The following PTPN5 variants were observed in gnomAD, a reference collection of about 807,000 sequenced individuals.
PTPN5 encodes the protein protein tyrosine phosphatase non-receptor type 5.
Under a neutral mutation model 73.9 loss-of-function variants are expected in PTPN5, and 29 were observed. The observed-to-expected ratio is 0.39, with a 90% CI of 0.29 to 0.54. PTPN5 has a LOEUF of 0.54. Among genes scored for constraint, PTPN5 ranks in the 20% least tolerant of loss-of-function variants. The probability of loss-of-function intolerance (pLI) is 0.65; values close to 1 mark genes in which losing one functional copy is unlikely to be tolerated. For synonymous variants in PTPN5, 267 were observed against 304.7 expected, an observed-to-expected ratio of 0.88 and a Z score of 1.29; for missense variants, 652 against 751.4, an observed-to-expected ratio of 0.87 and a Z score of 1.55.
In PTPN5 at chr11:18,778,679, A is replaced by C. The variant is rs575689308; in HGVS notation, c.-113-6608T>G. On this transcript the variant is annotated intron_variant, in intron 1 of 14. Coordinates refer to ENST00000358540, the MANE Select transcript of PTPN5 (RefSeq NM_006906.2). ...CTTCTATCTGATTGTCAGCTTCCTG[A>C]GGCCTTCCTAGAAGCCAAGCAGACA... is the stretch of plus-strand genomic sequence containing the variant. 2.0e-5 allele frequency among the ~76,000 whole-genome samples: 3 copies of C among 152,272 alleles called. No homozygotes were observed. In the East Asian group the frequency reaches 5.8e-4, roughly 29 times the overall value.
At chr11:18,757,018 A>G (rs966060520) in intron 3 of PTPN5, among the ~76,000 whole-genome samples, 6 of 152,016 alleles carry the variant, frequency 3.9e-5, no homozygotes, top group Non-Finnish European at 7.4e-5. Flanking sequence ...TCATTTTCAT[A>G]TGTGTGTGTG....
In PTPN5 at chr11:18,742,320, T is replaced by G. The variant is rs912093037; in HGVS notation, c.667A>C (p.Ile223Leu). The change falls in exon 7 of 15, where the codon ATC becomes CTC. Residue 223 changes from isoleucine to leucine, a missense_variant. This residue lies in a region of PTPN5 where 529 missense variants were observed against 573.9 expected (regional missense o/e 0.92). Transcript: ENST00000358540. The surrounding 1 kb of genome is among the most constrained non-coding windows in gnomAD (Gnocchi z 4.1). ...ETPVFDCVMD[I>L]KPEADPTSLT... is the part of the protein sequence containing the mutation. ...GAGGTGGGGTCAGCCTCAGGCTTGA[T>G]GTCCATCACACAATCAAACACAGGA... 6.2e-7 allele frequency: 1 copy of G among 1,614,122 alleles called. No homozygotes were observed. Among genetic ancestry groups the G allele is most frequent in the Admixed American group, 1.7e-5 (1 of 60,020 alleles).
chr11:18,789,042 G>C (rs1851795254), intron 1 of PTPN5, among the ~76,000 whole-genome samples: 1 of 152,178 alleles, frequency 6.6e-6, no homozygotes, highest in African/African-American at 2.4e-5. Flanking sequence ...GGCTGAGCCT[G>C]AAGTCCAGGA....
At chr11:18,761,804 T>C (rs1030825244) in intron 3 of PTPN5, among the ~76,000 whole-genome samples, 1 of 152,002 alleles carries the variant, frequency 6.6e-6, no homozygotes, top group East Asian at 1.9e-4. Flanking sequence ...CCAGGAAGCA[T>C]GCAGAGTGGA....
intron 8 of PTPN5, among the ~76,000 whole-genome samples, chr11:18,739,808 G>A (rs1041922043): frequency 6.6e-6 from 1 of 152,202 alleles, no homozygotes; most frequent in Non-Finnish European, 1.5e-5. Flanking sequence ...TGGAGCTTTG[G>A]AGCCTCAGCC....
At chr11:18,762,646 A>G (rs11024788) in intron 3 of PTPN5, among the ~76,000 whole-genome samples, 57,951 of 151,862 alleles carry the variant, frequency 0.38, 12,729 homozygotes, top group Admixed American at 0.55. Flanking sequence ...TGACTTACTT[A>G]TTTTATTTGT....
rs1406979366 is a variant in PTPN5, at chr11:18,733,971, C to A, written c.1001-336G>T. ...GGAATTACCTAGGGAAATTCCTGTA[C>A]AGATCTTGTTCAGCAAGAGACAGCT... is the stretch of plus-strand genomic sequence containing the variant. On this transcript the variant is annotated intron_variant, in intron 9 of 14. Transcript: ENST00000358540. The surrounding 1 kb of genome is among the most constrained non-coding windows in gnomAD (Gnocchi z 4.3). Among the ~76,000 whole-genome samples, 1 of 152,214 alleles carries A rather than the reference C, an allele frequency of 6.6e-6. No homozygotes were observed. The highest frequency in any genetic ancestry group is 2.4e-5 in the African/African-American group (1 of 41,458).
In PTPN5 at chr11:18,737,983, G is replaced by C. The variant is rs746798905; in HGVS notation, c.916-19C>G. The C allele has an allele frequency of 1.9e-6, 3 of 1,606,500 alleles. No individual in the cohort carries two copies. Among genetic ancestry groups the C allele is most frequent in the South Asian group, 1.1e-5 (1 of 90,918 alleles). On this transcript the variant is annotated intron_variant, in intron 8 of 14. Transcript: ENST00000358540. ...GGATTTCCTGTGGAAGGAGGACACG[G>C]GGTGTGAGCAGCTATGGGCCCTCAC...
intron 3 of PTPN5, among the ~76,000 whole-genome samples, chr11:18,753,051 C>G (rs2134257372): frequency 6.6e-6 from 1 of 152,340 alleles, no homozygotes; most frequent in South Asian, 2.1e-4. Context: ...TCTGGAAAGT[C>G]TAAGGCTTGA....
At chr11:18,737,150 TG>T (rs1849150091) in intron 9 of PTPN5, among the ~76,000 whole-genome samples, 1 of 152,162 alleles carries the variant, frequency 6.6e-6, no homozygotes. Context: ...CCCTGGGGAC[TG>T]GGGTCAGAAC....
intron 8 of PTPN5, 78 bp from the exon 9 acceptor site, chr11:18,738,042 A>G: frequency 8.4e-7 from 1 of 1,185,274 alleles, no homozygotes; most frequent in South Asian, 1.2e-5. Context: ...TGTGCCCCCA[A>G]CTCCTAGCCC....
intron 1 of PTPN5, among the ~76,000 whole-genome samples, chr11:18,784,837 C>T (rs541063413): frequency 6.6e-6 from 1 of 151,860 alleles, no homozygotes; most frequent in South Asian, 2.1e-4. Context: ...GGTTCCAACT[C>T]TTGGGTTCCC....
intron 12 of PTPN5, chr11:18,730,307 T>C (rs41274352): frequency 0.15 from 31,702 of 215,094 alleles, 2,499 homozygotes; most frequent in East Asian, 0.22. Context: ...ACCTTGACCT[T>C]TATCATTGCT....
At position 18,733,474 on chromosome 11, in the gene PTPN5, G is replaced by C. The variant is rs1490291397; in HGVS notation, c.1080+82C>G. 1.2e-6 allele frequency: 2 copies of C among 1,612,138 alleles called. No homozygotes were observed. Among genetic ancestry groups the C allele is most frequent in the African/African-American group, 2.7e-5 (2 of 74,920 alleles). On this transcript the variant is annotated intron_variant, in intron 10 of 14. Transcript: ENST00000358540. This position sits in a 1 kb window ranked among gnomAD's most constrained non-coding sequence, Gnocchi z 4.3. Reference sequence around the variant, plus strand: ...ACAGGAGCTGGCAGGAGCCAGACTGGTGTAGGGACAAGGCTGGAGGATGGA... The same window carrying C: ...ACAGGAGCTGGCAGGAGCCAGACTGCTGTAGGGACAAGGCTGGAGGATGGA...
At position 18,733,980 on chromosome 11, in the gene PTPN5, T is replaced by C. The variant is rs117890342; in HGVS notation, c.1001-345A>G. Among the ~76,000 whole-genome samples the C allele has an allele frequency of 3.1e-3, 474 of 152,350 alleles. No homozygotes were observed. Among genetic ancestry groups the C allele is most frequent in the Non-Finnish European group, 5.5e-3 (371 of 68,026 alleles). ...TAGGGAAATTCCTGTACAGATCTTGTTCAGCAAGAGACAGCTAGCTTGAGT... is the reference window on the plus strand; with the variant it reads ...TAGGGAAATTCCTGTACAGATCTTGCTCAGCAAGAGACAGCTAGCTTGAGT... On this transcript the variant is annotated intron_variant, in intron 9 of 14. Transcript: ENST00000358540. The surrounding 1 kb of genome is among the most constrained non-coding windows in gnomAD (Gnocchi z 4.3).
chr11:18,788,388 C>G (rs1306589607), intron 1 of PTPN5, among the ~76,000 whole-genome samples: 1 of 152,032 alleles, frequency 6.6e-6, no homozygotes, highest in African/African-American at 2.4e-5. Flanking sequence ...CAGTCAATGT[C>G]CCCCCAATAA....
Position 18,765,704 on chromosome 11 carries a change from G to A in PTPN5, c.97+103C>T, listed in dbSNP as rs755925865. 2.5e-5 allele frequency: 20 copies of A among 787,446 alleles called. No homozygotes were observed. The Middle Eastern group carries it at 1.6e-3, about 65-fold the overall frequency. The allele number at this position is 787,446 out of a possible 1,614,324, so 48.8% of individuals were successfully genotyped here. A position where few individuals can be genotyped will look rare whatever the true frequency, so the allele number is the denominator to read the frequency against. ...GGAGCAGCTGCATGGATATTCTTGC[G>A]CAAGTTCACAGCTAGCTAGGCTTTA... On this transcript the variant is annotated intron_variant, in intron 3 of 14. Transcript: ENST00000358540.
intron 3 of PTPN5, among the ~76,000 whole-genome samples, chr11:18,750,760 G>A (rs1421558171): frequency 6.6e-6 from 1 of 152,092 alleles, no homozygotes; most frequent in Non-Finnish European, 1.5e-5. Context: ...CTGTGCTGCA[G>A]GTTGACATGA....
At chr11:18,744,510 A>G (rs1262673185) in intron 3 of PTPN5, among the ~76,000 whole-genome samples, 5 of 152,110 alleles carry the variant, frequency 3.3e-5, no homozygotes, top group African/African-American at 4.8e-5. Flanking sequence ...AGGAAACAAA[A>G]AACAACCACC....
Sources: allele counts gnomAD v4.1 joint callset (sites outside exome capture counted in the v4.1 genomes callset), GRCh38; gene constraint gnomAD v4.1.1; regional missense constraint gnomAD v4.1.1; non-coding constraint Gnocchi (gnomAD v3.1); transcripts MANE v1.5; gene names NCBI Gene and HGNC (gene_info 2026-07-23, HGNC 2026-07-21).